The following MFN1 variants were observed in gnomAD, a reference collection of about 807,000 sequenced individuals.
MFN1 encodes mitofusin-1.
Under a neutral mutation model 92.4 loss-of-function variants are expected in MFN1, and 65 were observed. The observed-to-expected ratio is 0.70, with a 90% CI of 0.58 to 0.86. The LOEUF (loss-of-function observed/expected upper bound fraction) is 0.86. Ranked by LOEUF, MFN1 falls within the 40% of genes least tolerant of loss-of-function variation. The probability of loss-of-function intolerance (pLI) is 0.00; values close to 1 mark genes in which losing one functional copy is unlikely to be tolerated. For synonymous variants in MFN1, 297 were observed against 300.9 expected, an observed-to-expected ratio of 0.99 and a Z score of 0.13; for missense variants, 781 against 868.0, an observed-to-expected ratio of 0.90 and a Z score of 1.26.
At chr3:179,368,193 C>A in intron 9 of MFN1, 90 bp downstream of exon 9, 5 of 1,022,720 alleles carry the variant, frequency 4.9e-6, no homozygotes, top group East Asian at 3.6e-5. Flanking sequence ...TTGTCTTTGT[C>A]AATAACTTTT....
chr3:179,371,103 C>T (rs981180061), intron 9 of MFN1, among the ~76,000 whole-genome samples: 1 of 152,000 alleles, frequency 6.6e-6, no homozygotes, highest in Non-Finnish European at 1.5e-5. Flanking sequence ...TGACCTGTGC[C>T]GTGAACTTCT....
chr3:179,359,308 A>G (rs754013149), intron 4 of MFN1, among the ~76,000 whole-genome samples: 7 of 149,898 alleles, frequency 4.7e-5, no homozygotes, highest in Non-Finnish European at 7.4e-5. Context: ...TTTAGTAGAG[A>G]TGGGGGTTTC....
At chr3:179,370,172 G>C (rs933856390) in intron 9 of MFN1, among the ~76,000 whole-genome samples, 4 of 151,834 alleles carry the variant, frequency 2.6e-5, no homozygotes, top group African/African-American at 9.7e-5. Flanking sequence ...TTAGAAATTG[G>C]TGTATTTCTG....
chr3:179,371,167 A>G (rs1374268380), intron 9 of MFN1, among the ~76,000 whole-genome samples: 1 of 152,232 alleles, frequency 6.6e-6, no homozygotes, highest in Admixed American at 6.5e-5. Context: ...TAGAATACTA[A>G]TTTAAGCAAG....
chr3:179,365,846 A>T (rs764821354), intron 7 of MFN1, among the ~76,000 whole-genome samples: 1 of 152,332 alleles, frequency 6.6e-6, no homozygotes, highest in Middle Eastern at 3.4e-3. Context: ...TGTGCGTAGC[A>T]TAGTTGTATT....
chr3:179,368,233 C>A, intron 9 of MFN1, 130 bp downstream of exon 9: 2 of 499,504 alleles, frequency 4.0e-6, no homozygotes, highest in Non-Finnish European at 6.1e-6. Context: ...ACTGACACAG[C>A]CAGTAAAATG....
intron 14 of MFN1, among the ~76,000 whole-genome samples, chr3:179,382,367 C>T (rs1005401513): frequency 6.6e-6 from 1 of 152,136 alleles, no homozygotes; most frequent in African/African-American, 2.4e-5. Flanking sequence ...TGATGGTTTC[C>T]AGCTTCATCG....
chr3:179,353,065 T>C (rs1005542598), intron 3 of MFN1, among the ~76,000 whole-genome samples: 3 of 147,498 alleles, frequency 2.0e-5, no homozygotes, highest in African/African-American at 7.6e-5. Flanking sequence ...ATTTTTTTTT[T>C]TTTTTTTGAG....
intron 9 of MFN1, among the ~76,000 whole-genome samples, chr3:179,374,612 A>C (rs1461710893): frequency 1.3e-5 from 2 of 152,004 alleles, no homozygotes; most frequent in Admixed American, 1.3e-4. Context: ...TGTACACACT[A>C]TATTCTAATG....
At chr3:179,367,934 G>GTATA (rs143669422) in intron 8 of MFN1, 102 bp from the exon 9 acceptor site, 11,678 of 407,330 alleles carry the variant, frequency 0.029, 302 homozygotes, top group African/African-American at 0.11. Flanking sequence ...GGGGGAAAAA[G>GTATA]TATATATATA....
rs1713961739 is a variant in MFN1, at chr3:179,392,847, C to T, written c.*788C>T. On this transcript the variant is annotated 3_prime_UTR_variant, in exon 18 of 18. Coordinates refer to ENST00000471841, the MANE Select transcript of MFN1 (RefSeq NM_033540.3). Reference sequence around the variant, plus strand: ...GTGATGTTTTAAAAAAGCTGTTGTTCTTCAGGAGGCATTTGCCTAGGATAT... The same window carrying T: ...GTGATGTTTTAAAAAAGCTGTTGTTTTTCAGGAGGCATTTGCCTAGGATAT... 1 of 152,122 alleles carries T rather than the reference C, an allele frequency of 6.6e-6. No homozygotes were observed. 9.4% of individuals were successfully genotyped at this position (152,122 alleles called of 1,614,324 possible).
chr3:179,350,231 G>A (rs1020384180), intron 2 of MFN1, among the ~76,000 whole-genome samples: 2 of 152,060 alleles, frequency 1.3e-5, no homozygotes, highest in Admixed American at 1.3e-4. Flanking sequence ...GCGACAGTGG[G>A]GAAACCTTTG....
At chr3:179,384,900 C>CTTTTT (rs35563595) in intron 14 of MFN1, among the ~76,000 whole-genome samples, 14 of 84,648 alleles carry the variant, frequency 1.7e-4, no homozygotes, top group African/African-American at 4.9e-4. Context: ...TTTTGAAGTC[C>CTTTTT]TTTTTTTTTT....
chr3:179,377,411 T>TTCA lies in MFN1; in HGVS notation c.1295_1297dup (p.His432dup), dbSNP rs761603418. ...TTGGTTGATGAATTTTGTTCAGAGT[T>TTCA]TCATCCTAATCCAGATGTATTAAAA... On this transcript the variant is annotated inframe_insertion, in exon 12 of 18. Transcript: ENST00000471841. 6.2e-7 allele frequency: 1 copy of TTCA among 1,606,484 alleles called. No individual in the cohort carries two copies. Among genetic ancestry groups the TTCA allele is most frequent in the Non-Finnish European group, 8.5e-7 (1 of 1,175,396 alleles).
intron 9 of MFN1, 127 bp from the exon 10 acceptor site, chr3:179,375,093 C>A: frequency 9.6e-7 from 1 of 1,040,312 alleles, no homozygotes; most frequent in Non-Finnish European, 1.3e-6. Flanking sequence ...GTGCTTTTAT[C>A]ACTCATTTGT....
chr3:179,374,314 A>G (rs1222812864), intron 9 of MFN1, among the ~76,000 whole-genome samples: 1 of 62,478 alleles, frequency 1.6e-5, no homozygotes, highest in African/African-American at 1.1e-4. Flanking sequence ...TATATATATA[A>G]CATATATAAC....
At chr3:179,369,061 A>G (rs1390017718) in intron 9 of MFN1, among the ~76,000 whole-genome samples, 1 of 152,216 alleles carries the variant, frequency 6.6e-6, no homozygotes, top group Non-Finnish European at 1.5e-5. Context: ...AGCTATCTCG[A>G]TAAGATCTAA....
chr3:179,378,874 T>A (rs931658733), intron 14 of MFN1, 60 bp downstream of exon 14: 2 of 1,314,792 alleles, frequency 1.5e-6, no homozygotes. Context: ...TATGTGGTTT[T>A]TCTATAATAA....
At chr3:179,373,541 T>C (rs1284665775) in intron 9 of MFN1, among the ~76,000 whole-genome samples, 1 of 152,118 alleles carries the variant, frequency 6.6e-6, no homozygotes, top group African/African-American at 2.4e-5. Context: ...TTTAAAAAAT[T>C]TATCATAGAA....
Sources: gnomAD v4.1 joint callset for allele counts (sites outside exome capture counted in the v4.1 genomes callset) on GRCh38, gnomAD v4.1.1 for gene constraint, MANE v1.5 for transcripts, NCBI Gene and HGNC (gene_info 2026-07-23, HGNC 2026-07-21) for gene names.